The following SLC8A3 variants were observed in gnomAD, a reference collection of about 807,000 sequenced individuals.
The protein encoded by SLC8A3 is solute carrier family 8 member A3.
Under a neutral mutation model 65.4 loss-of-function variants are expected in SLC8A3, and 37 were observed. The ratio of observed to expected loss-of-function variants is 0.57; its 90% CI spans 0.44 to 0.74. The LOEUF (loss-of-function observed/expected upper bound fraction) is 0.74, where lower values mean the gene tolerates loss of function less well. Among genes scored for constraint, SLC8A3 ranks in the 30% least tolerant of loss-of-function variants. The pLI is 0.00. For synonymous variants in SLC8A3, 461 were observed against 444.5 expected (o/e 1.04, Z -0.47); for missense variants, 1,112 against 1,172.1 (o/e 0.95, Z 0.75).
At chr14:70,179,284 A>G (rs1156997520) in intron 1 of SLC8A3, among the ~76,000 whole-genome samples, 1 of 151,806 alleles carries the variant, frequency 6.6e-6, no homozygotes, top group African/African-American at 2.4e-5. Context: ...TTTACAGCCC[A>G]TATTCACTTG....
At chr14:70,118,480 G>T (rs1283303358) in intron 2 of SLC8A3, among the ~76,000 whole-genome samples, 4 of 152,172 alleles carry the variant, frequency 2.6e-5, no homozygotes, top group Non-Finnish European at 4.4e-5. Context: ...TTCAGCTCTG[G>T]CCATGTTGTA....
At chr14:70,150,470 A>C (rs1247476067) in intron 2 of SLC8A3, among the ~76,000 whole-genome samples, 1 of 152,198 alleles carries the variant, frequency 6.6e-6, no homozygotes, top group African/African-American at 2.4e-5. Context: ...TATTGTGGCA[A>C]TGATGAGGCA....
chr14:70,188,179 T>G (rs1334801729), intron 1 of SLC8A3, among the ~76,000 whole-genome samples, 200 bp downstream of exon 1: 4 of 152,052 alleles, frequency 2.6e-5, no homozygotes, highest in Admixed American at 2.6e-4. Flanking sequence ...ATGTACACTT[T>G]CCGGGGCACC....
rs561766377 is a variant in SLC8A3, at chr14:70,156,769, G to A, written c.1784+9870C>T. Among the ~76,000 whole-genome samples the A allele has an allele frequency of 1.4e-4, 22 of 152,282 alleles. No homozygotes were observed. The East Asian group carries it at 1.5e-3, about 11-fold the overall frequency. ...CCAGCAGGGGAGGGGTGGGGAGGGA[G>A]AGCCTCAGGAGTACTGTCATTCTAT... is the stretch of plus-strand genomic sequence containing the variant. On this transcript the variant is annotated intron_variant, in intron 2 of 6. Coordinates refer to ENST00000356921, the MANE Select transcript of SLC8A3 (RefSeq NM_182932.3).
rs1323804285 is a variant in SLC8A3, at chr14:70,048,779, T to C, written c.2377A>G (p.Thr793Ala). The C allele has an allele frequency of 6.2e-7, 1 of 1,613,666 alleles. No homozygotes were observed. The highest frequency in any genetic ancestry group is 8.5e-7 in the Non-Finnish European group (1 of 1,179,936). Reference sequence around the variant, plus strand: ...CTCTCACTCTCACCTGGGACAGAGGTGCCAAATGCCACGAAAACAACAGCT... The same window carrying C: ...CTCTCACTCTCACCTGGGACAGAGGCGCCAAATGCCACGAAAACAACAGCT... The part of the protein sequence containing the change: ...VTAVVFVAFG[T>A]SVPDTFASKA... Residue 793 changes from threonine to alanine, a missense_variant, in exon 6 of 7, where the codon ACC becomes GCC. Physicochemically the swap from Thr to Ala is moderately conservative, Grantham distance 58. Transcript: ENST00000356921.
At chr14:70,083,209 A>G (rs1051412153) in intron 2 of SLC8A3, among the ~76,000 whole-genome samples, 5 of 152,228 alleles carry the variant, frequency 3.3e-5, no homozygotes, top group Admixed American at 2.0e-4. Context: ...CCAAGAATCC[A>G]TGCCTCAAGC....
intron 2 of SLC8A3, among the ~76,000 whole-genome samples, chr14:70,154,920 C>CA (rs941436232): frequency 2.3e-5 from 3 of 128,934 alleles, no homozygotes; most frequent in African/African-American, 8.7e-5. Flanking sequence ...ATTTATCATT[C>CA]TTTTTTTTTT....
chr14:70,055,728 T>C, intron 3 of SLC8A3: 1 of 1,360,120 alleles, frequency 7.4e-7, no homozygotes, highest in Non-Finnish European at 1.0e-6. Flanking sequence ...CAAAGGACAT[T>C]GGTCTTAAAC....
intron 2 of SLC8A3, among the ~76,000 whole-genome samples, chr14:70,132,566 C>T (rs1894912083): frequency 6.6e-6 from 1 of 152,168 alleles, no homozygotes; most frequent in African/African-American, 2.4e-5. Context: ...CGGTGACCTG[C>T]TGCTGTAAGT....
chr14:70,092,653 C>A (rs1226239742), intron 2 of SLC8A3, among the ~76,000 whole-genome samples: 2 of 152,152 alleles, frequency 1.3e-5, no homozygotes, highest in African/African-American at 4.8e-5. Flanking sequence ...TCTGACAGTC[C>A]ATTTCCAACA....
intron 2 of SLC8A3, among the ~76,000 whole-genome samples, chr14:70,126,561 C>G (rs1250769462): frequency 2.8e-5 from 3 of 105,282 alleles, no homozygotes; most frequent in Non-Finnish European, 6.0e-5. Flanking sequence ...CTCTCTCTCT[C>G]TCTCTCTCTC....
At chr14:70,119,764 C>A (rs900273396) in intron 2 of SLC8A3, among the ~76,000 whole-genome samples, 1 of 152,220 alleles carries the variant, frequency 6.6e-6, no homozygotes, top group Admixed American at 6.5e-5. Flanking sequence ...TTAAAGAGGA[C>A]AATAACCTCA....
At chr14:70,077,739 AGT>A (rs1890666833) in intron 2 of SLC8A3, among the ~76,000 whole-genome samples, 2 of 152,198 alleles carry the variant, frequency 1.3e-5, no homozygotes, top group African/African-American at 4.8e-5. Flanking sequence ...TTTGGGTCCC[AGT>A]ACCAATTTCT....
intron 2 of SLC8A3, among the ~76,000 whole-genome samples, chr14:70,088,507 A>C (rs1462738834): frequency 6.6e-6 from 1 of 152,032 alleles, no homozygotes; most frequent in Non-Finnish European, 1.5e-5. Context: ...GAGTCACTGG[A>C]CTCAACATTG....
intron 2 of SLC8A3, among the ~76,000 whole-genome samples, chr14:70,112,914 G>A (rs1003036621): frequency 4.8e-5 from 6 of 125,506 alleles, no homozygotes; most frequent in African/African-American, 1.2e-4. Flanking sequence ...TTACAAGGAT[G>A]CTAGTCATAT....
At chr14:70,157,793 T>G (rs555628595) in intron 2 of SLC8A3, among the ~76,000 whole-genome samples, 2 of 152,312 alleles carry the variant, frequency 1.3e-5, no homozygotes, top group East Asian at 3.9e-4. Context: ...GACAAACACT[T>G]CATAGTGAAG....
intron 2 of SLC8A3, among the ~76,000 whole-genome samples, chr14:70,084,449 T>C (rs1275042606): frequency 6.6e-6 from 1 of 152,228 alleles, no homozygotes; most frequent in Non-Finnish European, 1.5e-5. Context: ...CTGGTCATTA[T>C]TCAGCCAAGC....
chr14:70,056,530 G>A lies in SLC8A3; in HGVS notation c.1888+4306C>T, dbSNP rs185090159. On this transcript the variant is annotated intron_variant, in intron 3 of 6. Coordinates refer to ENST00000356921, the MANE Select transcript of SLC8A3 (RefSeq NM_182932.3). ...TCTTTACCGTAGATATATCCTGGAAGTTAGGGCTATGGGCTCCTCCCATTT... is the reference window on the plus strand; with the variant it reads ...TCTTTACCGTAGATATATCCTGGAAATTAGGGCTATGGGCTCCTCCCATTT... Among the ~76,000 whole-genome samples the A allele has an allele frequency of 2.4e-3, 371 of 152,358 alleles. 3 individuals carry two copies. Among genetic ancestry groups the A allele is most frequent in the Middle Eastern group, 0.01 (3 of 294 alleles).
At chr14:70,060,323 C>A (rs1888641076) in intron 3 of SLC8A3, 1 of 244,582 alleles carries the variant, frequency 4.1e-6, no homozygotes, top group Non-Finnish European at 8.0e-6. Flanking sequence ...CATCCCAGAC[C>A]CCCCCACATT....
Sources: allele counts gnomAD v4.1 joint callset (sites outside exome capture counted in the v4.1 genomes callset), GRCh38; gene constraint gnomAD v4.1.1; transcripts MANE v1.5; gene names NCBI Gene and HGNC (gene_info 2026-07-23, HGNC 2026-07-21).